The following AMPH variants were observed in gnomAD, a reference collection of about 807,000 sequenced individuals.
AMPH encodes amphiphysin, also known as amphiphysin (Stiff-Mann syndrome with breast cancer 128kD autoantigen).
In AMPH, 49 loss-of-function variants were observed where a neutral mutation model predicts 99.1. The ratio of observed to expected loss-of-function variants is 0.49; its 90% CI spans 0.39 to 0.63. The LOEUF (loss-of-function observed/expected upper bound fraction) is 0.63. AMPH is among the 20% of genes least tolerant of loss of function. The pLI, the probability that AMPH is intolerant of heterozygous loss-of-function variation, is 0.00. For synonymous variants in AMPH, 314 were observed against 317.3 expected, an observed-to-expected ratio of 0.99 and a Z score of 0.11; for missense variants, 759 against 863.4, an observed-to-expected ratio of 0.88 and a Z score of 1.52.
intron 17 of AMPH, among the ~76,000 whole-genome samples, chr7:38,413,692 A>C (rs949864004): frequency 3.3e-5 from 5 of 152,168 alleles, no homozygotes; most frequent in Non-Finnish European, 7.3e-5. Flanking sequence ...GGTTCTCATA[A>C]AAAAAAGAAA....
intron 1 of AMPH, among the ~76,000 whole-genome samples, chr7:38,567,507 G>A (rs910386046): frequency 2.0e-5 from 3 of 152,036 alleles, no homozygotes; most frequent in African/African-American, 7.2e-5. Flanking sequence ...TACACATTGT[G>A]CACATGTACC....
intron 2 of AMPH, among the ~76,000 whole-genome samples, chr7:38,525,445 CGTGT>C (rs146505083): frequency 0.04 from 5,067 of 125,404 alleles, 94 homozygotes; most frequent in Middle Eastern, 0.046. Flanking sequence ...CTCATTTGTG[CGTGT>C]GTGTGTGTGT....
intron 18 of AMPH, among the ~76,000 whole-genome samples, chr7:38,393,701 C>T (rs1784583601): frequency 6.6e-6 from 1 of 152,186 alleles, no homozygotes; most frequent in South Asian, 2.1e-4. Flanking sequence ...CGGCTCCATT[C>T]TCATCCTTTT....
rs562425330 is a variant in AMPH at position 38,431,454 on chromosome 7, G to A, written c.1158+735C>T. On this transcript the variant is annotated intron_variant, in intron 13 of 20. Transcript: ENST00000356264. ...GGGCAGATCACAAGGTCAGCAGATC[G>A]AGACCATCCTGGCTAACACGGTGAA... Among the ~76,000 whole-genome samples, 41 of 152,124 alleles carry A rather than the reference G, an allele frequency of 2.7e-4. 1 individual carries two copies. The highest frequency in any genetic ancestry group is 2.6e-4 in the Admixed American group (4 of 15,280).
intron 1 of AMPH, among the ~76,000 whole-genome samples, chr7:38,555,476 T>C (rs1206565417): frequency 6.6e-6 from 1 of 152,168 alleles, no homozygotes; most frequent in Non-Finnish European, 1.5e-5. Context: ...GTCCCCTCAT[T>C]GATGGTACCT....
chr7:38,400,078 T>A (rs1413201367), intron 17 of AMPH, among the ~76,000 whole-genome samples: 1 of 152,154 alleles, frequency 6.6e-6, no homozygotes, highest in African/African-American at 2.4e-5. Flanking sequence ...TCTTTTTTCT[T>A]TCTTTTTCTT....
intron 1 of AMPH, among the ~76,000 whole-genome samples, chr7:38,614,729 C>T (rs1035412247): frequency 9.2e-5 from 14 of 152,258 alleles, no homozygotes; most frequent in Middle Eastern, 3.4e-3. Context: ...AACCATCTTT[C>T]GAGGCACTAA....
chr7:38,422,504 AT>A, intron 15 of AMPH, 27 bp from the exon 16 acceptor site: 1 of 1,583,094 alleles, frequency 6.3e-7, no homozygotes. Context: ...AAAATAGAAG[AT>A]GTTTTTTAAA....
At chr7:38,445,010 T>TATAGACACACAC (rs1458295332) in intron 11 of AMPH, among the ~76,000 whole-genome samples, 14 of 125,990 alleles carry the variant, frequency 1.1e-4, no homozygotes, top group Admixed American at 4.1e-4. Context: ...TATATATATA[T>TATAGACACACAC]ACACACACAC....
chr7:38,405,179 A>G (rs1784949189), intron 17 of AMPH, among the ~76,000 whole-genome samples: 1 of 152,214 alleles, frequency 6.6e-6, no homozygotes, highest in Non-Finnish European at 1.5e-5. Context: ...ATTTGTCACC[A>G]CTAGACTGGT....
At chr7:38,610,028 G>C (rs1309313963) in intron 1 of AMPH, among the ~76,000 whole-genome samples, 1 of 151,334 alleles carries the variant, frequency 6.6e-6, no homozygotes, top group African/African-American at 2.4e-5. Context: ...CCTGAGGTCG[G>C]GAGTTCGAGA....
chr7:38,464,584 G>A (rs1787579609), intron 9 of AMPH, among the ~76,000 whole-genome samples: 1 of 152,014 alleles, frequency 6.6e-6, no homozygotes, highest in Admixed American at 6.6e-5. Context: ...GCAAATAAGT[G>A]TTTGTATTAA....
chr7:38,581,587 CCTCA>C (rs1792465743), intron 1 of AMPH, among the ~76,000 whole-genome samples: 1 of 152,078 alleles, frequency 6.6e-6, no homozygotes, highest in African/African-American at 2.4e-5. Flanking sequence ...CACGATAGAG[CCTCA>C]CTCACCTTTT....
At chr7:38,604,925 C>T (rs539746633) in intron 1 of AMPH, among the ~76,000 whole-genome samples, 1 of 152,180 alleles carries the variant, frequency 6.6e-6, no homozygotes, top group South Asian at 2.1e-4. Context: ...TCAAAGTAGA[C>T]TATCATTTTT....
chr7:38,565,152 C>T (rs1317512332), intron 1 of AMPH, among the ~76,000 whole-genome samples: 2 of 151,582 alleles, frequency 1.3e-5, no homozygotes, highest in Non-Finnish European at 2.9e-5. Context: ...AAAGAACCTT[C>T]CTGGGATGAA....
intron 1 of AMPH, among the ~76,000 whole-genome samples, chr7:38,611,434 T>C (rs936825789): frequency 1.9e-4 from 29 of 152,330 alleles, no homozygotes; most frequent in African/African-American, 5.5e-4. Context: ...CACTTCAGAA[T>C]TTGTTAAGAA....
intron 1 of AMPH, among the ~76,000 whole-genome samples, chr7:38,629,512 T>A (rs1371717800): frequency 1.3e-5 from 2 of 149,976 alleles, no homozygotes; most frequent in African/African-American, 4.8e-5. Flanking sequence ...TTTTGACAAT[T>A]CACAGGACTT....
At chr7:38,575,169 C>T (rs1792189946) in intron 1 of AMPH, among the ~76,000 whole-genome samples, 1 of 151,628 alleles carries the variant, frequency 6.6e-6, no homozygotes, top group Non-Finnish European at 1.5e-5. Context: ...CAAATACGTA[C>T]TTTCAACTCT....
At position 38,570,957 on chromosome 7, in the gene AMPH, A is replaced by AATATATATATATTCAATATATATATTC; in HGVS notation, c.70-35947_70-35946insGAATATATATATTGAATATATATATAT. ...TATATATATATATTTATATATATAGAATATATATATAGAATATATATATAT... is the reference window on the plus strand; with the variant it reads ...TATATATATATATTTATATATATAGAATATATATATATTCAATATATATATTCATATATATATAGAATATATATATAT... On this transcript the variant is annotated intron_variant, in intron 1 of 20. Coordinates refer to ENST00000356264, the MANE Select transcript of AMPH (RefSeq NM_001635.4). Among the ~76,000 whole-genome samples, 2 of 71,880 alleles carry AATATATATATATTCAATATATATATTC rather than the reference A, an allele frequency of 2.8e-5. 1 individual carries two copies. The highest frequency in any genetic ancestry group is 4.0e-4 in the Admixed American group (2 of 5,054). The allele number at this position is 71,880 out of a possible 152,430, so 47.2% of individuals were successfully genotyped here. A position where few individuals can be genotyped will look rare whatever the true frequency, so the allele number is the denominator to read the frequency against.
Sources: allele counts gnomAD v4.1 joint callset (sites outside exome capture counted in the v4.1 genomes callset), GRCh38; gene constraint gnomAD v4.1.1; transcripts MANE v1.5; gene names NCBI Gene and HGNC (gene_info 2026-07-23, HGNC 2026-07-21).